ITGA1: variants seen among roughly 807,000 people sequenced by gnomAD.
ITGA1 encodes the protein integrin alpha-1.
Under a neutral mutation model 145.9 loss-of-function variants are expected in ITGA1, and 85 were observed. That is an observed-to-expected ratio of 0.58 (90% confidence interval 0.49 to 0.70). ITGA1 has a LOEUF of 0.70. ITGA1 is among the 30% of genes least tolerant of loss of function. ITGA1 has a pLI of 0.00. For missense variants in ITGA1, 1,351 were observed against 1,418.7 expected (o/e 0.95, Z 0.77); for synonymous variants, 520 against 495.3 (o/e 1.05, Z -0.66).
intron 1 of ITGA1, among the ~76,000 whole-genome samples, chr5:52,822,603 C>T (rs1326955978): frequency 6.6e-6 from 1 of 152,224 alleles, no homozygotes; most frequent in African/African-American, 2.4e-5. Flanking sequence ...CTGTTGCTGA[C>T]TGGAAGTCTG....
At chr5:52,904,712 G>A (rs1750369683) in intron 11 of ITGA1, 1 of 152,270 alleles carries the variant, frequency 6.6e-6, no homozygotes, top group African/African-American at 2.4e-5. Flanking sequence ...AATTAGCCAG[G>A]CGTGGTGGCG....
intron 3 of ITGA1, among the ~76,000 whole-genome samples, chr5:52,862,846 AT>A (rs1330432516): frequency 2.0e-5 from 3 of 152,092 alleles, no homozygotes; most frequent in Non-Finnish European, 4.4e-5. Context: ...TATTTCACAT[AT>A]TGTATTTTTC....
Position 52,868,861 on chromosome 5 carries a change from T to C in ITGA1, c.624+3044T>C, listed in dbSNP as rs148204720. 1.9e-4 allele frequency among the ~76,000 whole-genome samples: 29 copies of C among 152,356 alleles called. No homozygotes were observed. In the East Asian group the frequency reaches 5.6e-3, roughly 29 times the overall value. ...ATTTTTATGTCACATCTTGCTTTCA[T>C]CATTGATTGTGGAGCTTAACCATAT... On this transcript the variant is annotated intron_variant, in intron 6 of 28. Transcript: ENST00000282588.
intron 14 of ITGA1, among the ~76,000 whole-genome samples, chr5:52,913,707 T>C (rs2169783): frequency 0.83 from 125,657 of 152,156 alleles, 52,313 homozygotes; most frequent in African/African-American, 0.92. Flanking sequence ...GAAAAGAAAT[T>C]AGAATATTAA....
intron 1 of ITGA1, among the ~76,000 whole-genome samples, chr5:52,828,013 G>T (rs1399860923): frequency 2.0e-5 from 3 of 152,100 alleles, no homozygotes. Context: ...ATATTCTATT[G>T]TATGGATATA....
intron 1 of ITGA1, among the ~76,000 whole-genome samples, chr5:52,814,020 G>A (rs1451722831): frequency 6.6e-6 from 1 of 152,184 alleles, no homozygotes; most frequent in African/African-American, 2.4e-5. Flanking sequence ...AAGAAACAAT[G>A]GTCATGCTGA....
intron 1 of ITGA1, chr5:52,801,373 G>C: frequency 6.5e-7 from 1 of 1,546,724 alleles, no homozygotes; most frequent in Non-Finnish European, 8.9e-7. Flanking sequence ...TGTTCTAGGA[G>C]ATTATTTTGC....
rs1749658608 is a variant in ITGA1 at position 52,864,843 on chromosome 5, G to A, written c.376G>A (p.Gly126Arg). ...AACTTTAGTCACCAACCCAAATGGA[G>A]GATTTCTGGTAAGAATGGAGAGAAT... is the stretch of plus-strand genomic sequence containing the variant. The part of the protein sequence containing the change: ...GSTLVTNPNG[G>R]FLACGPLYAY... The change falls in exon 4 of 29, where the codon GGA (glycine) becomes AGA (arginine). Residue 126 changes from glycine to arginine, a missense_variant. By Grantham distance (125) the Gly-to-Arg change is moderately radical. Transcript: ENST00000282588. The A allele has an allele frequency of 4.4e-6, 7 of 1,606,242 alleles. No homozygotes were observed. The African/African-American group carries it at 5.4e-5, about 12-fold the overall frequency.
At chr5:52,818,009 A>G (rs1318122215) in intron 1 of ITGA1, among the ~76,000 whole-genome samples, 1 of 152,166 alleles carries the variant, frequency 6.6e-6, no homozygotes, top group East Asian at 1.9e-4. Context: ...TTGCGTTCCC[A>G]TAAAACTTTA....
intron 1 of ITGA1, among the ~76,000 whole-genome samples, chr5:52,818,554 C>G (rs903801947): frequency 5.3e-5 from 8 of 152,186 alleles, no homozygotes; most frequent in African/African-American, 1.7e-4. Context: ...GGTTTTGTAA[C>G]TATTTCCCGC....
At chr5:52,861,869 CAAAAAA>C (rs11335171) in intron 3 of ITGA1, among the ~76,000 whole-genome samples, 2 of 119,394 alleles carry the variant, frequency 1.7e-5, no homozygotes, top group Non-Finnish European at 1.7e-5. Context: ...GACCCTGTCT[CAAAAAA>C]AAAAAAAAAA....
At chr5:52,856,333 A>G (rs1749511227) in intron 2 of ITGA1, among the ~76,000 whole-genome samples, 1 of 152,058 alleles carries the variant, frequency 6.6e-6, no homozygotes, top group African/African-American at 2.4e-5. Flanking sequence ...TACAAGACTC[A>G]CTTTTCATCA....
At position 52,957,440 on chromosome 5, in the gene ITGA1, C is replaced by CGGTA. The variant is rs1561261133; in HGVS notation, c.*4990_*4993dup. 1 of 152,142 alleles carries CGGTA rather than the reference C, an allele frequency of 6.6e-6. No individual in the cohort carries two copies. The highest frequency in any genetic ancestry group is 2.4e-5 in the African/African-American group (1 of 41,426). The allele number at this position is 152,142 out of a possible 1,614,324, so 9.4% of individuals were successfully genotyped here. A position where few individuals can be genotyped will look rare whatever the true frequency, so the allele number is the denominator to read the frequency against. On this transcript the variant is annotated 3_prime_UTR_variant, in exon 29 of 29. Transcript: ENST00000282588. ...AACTTTGGACTCCTTGCTTTGAGAT[C>CGGTA]GGTATTTTTTTCTCTCTCTTTACAT...
intron 15 of ITGA1, among the ~76,000 whole-genome samples, chr5:52,917,714 G>A (rs1156485082): frequency 2.6e-5 from 4 of 152,036 alleles, no homozygotes; most frequent in African/African-American, 4.8e-5. Flanking sequence ...ATGTGTGTAC[G>A]TGTATGCATG....
rs555820146 is a variant in ITGA1, at chr5:52,833,586, T to A, written c.62-15779T>A. Reference sequence around the variant, plus strand: ...TTGCTCTTGCTAGAGTTAAGAGTTTTCTGAAAGCTTATTCAGTGTTAACTA... The same window carrying A: ...TTGCTCTTGCTAGAGTTAAGAGTTTACTGAAAGCTTATTCAGTGTTAACTA... On this transcript the variant is annotated intron_variant, in intron 1 of 28. Coordinates refer to ENST00000282588, the MANE Select transcript of ITGA1 (RefSeq NM_181501.2). 1.4e-4 allele frequency among the ~76,000 whole-genome samples: 22 copies of A among 152,324 alleles called. No individual in the cohort carries two copies. The South Asian group carries it at 4.4e-3, about 30-fold the overall frequency.
intron 1 of ITGA1, among the ~76,000 whole-genome samples, chr5:52,839,235 A>G (rs922680931): frequency 6.6e-6 from 1 of 152,214 alleles, no homozygotes; most frequent in Non-Finnish European, 1.5e-5. Context: ...AGGCATATGA[A>G]TGATCATATT....
At chr5:52,842,821 G>A (rs2111740562) in intron 1 of ITGA1, among the ~76,000 whole-genome samples, 1 of 151,998 alleles carries the variant, frequency 6.6e-6, no homozygotes, top group East Asian at 1.9e-4. Context: ...GAGTAGCTGG[G>A]ACTACAGGTG....
At chr5:52,910,918 ATATATAGTATATATGGTATGTATACTG>A (rs1750501074) in intron 14 of ITGA1, among the ~76,000 whole-genome samples, 1 of 136,212 alleles carries the variant, frequency 7.3e-6, no homozygotes, top group African/African-American at 2.8e-5. Flanking sequence ...TATGTATACT[ATATATAGTATATATGGTATGTATACTG>A]TATATAGTAT....
intron 6 of ITGA1, among the ~76,000 whole-genome samples, chr5:52,866,122 C>T (rs1749683524): frequency 6.6e-6 from 1 of 152,208 alleles, no homozygotes; most frequent in Non-Finnish European, 1.5e-5. Context: ...TCAAGCAATT[C>T]ATATTTCTCA....
Sources: gnomAD v4.1 joint callset for allele counts (sites outside exome capture counted in the v4.1 genomes callset) on GRCh38, gnomAD v4.1.1 for gene constraint, MANE v1.5 for transcripts, NCBI Gene and HGNC (gene_info 2026-07-23, HGNC 2026-07-21) for gene names.